Variants in RARB observed in about 807,000 individuals in gnomAD.
RARB encodes the protein retinoic acid receptor beta.
Under a neutral mutation model 51.9 loss-of-function variants are expected in RARB, and 17 were observed. The ratio of observed to expected loss-of-function variants is 0.33; its 90% CI spans 0.22 to 0.49. The LOEUF (loss-of-function observed/expected upper bound fraction) is 0.49. Among genes scored for constraint, RARB ranks in the 20% least tolerant of loss-of-function variants. The probability of loss-of-function intolerance (pLI) is 0.99; values close to 1 mark genes in which losing one functional copy is unlikely to be tolerated. For synonymous variants in RARB, 215 were observed against 195.4 expected (o/e 1.10, Z -0.84); for missense variants, 369 against 550.8 (o/e 0.67, Z 3.30).
intron 2 of RARB, among the ~76,000 whole-genome samples, chr3:25,465,122 C>T (rs1021751282): frequency 5.3e-5 from 8 of 152,130 alleles, no homozygotes; most frequent in South Asian, 2.1e-4. Flanking sequence ...TTAAGGCTTT[C>T]GAATCAGATT....
At chr3:25,221,125 G>C (rs73149222) in intron 5 of RARB, among the ~76,000 whole-genome samples, 1,702 of 149,456 alleles carry the variant, frequency 0.011, 28 homozygotes, top group African/African-American at 0.042. Context: ...ACAAGATACA[G>C]ATATAATGGA....
At chr3:25,153,568 C>T (rs1450330036) in intron 4 of RARB, among the ~76,000 whole-genome samples, 2 of 152,182 alleles carry the variant, frequency 1.3e-5, no homozygotes, top group Non-Finnish European at 2.9e-5. Context: ...CAATATAAAA[C>T]AGTAATAAGA....
rs763622721 is a variant in RARB, at chr3:25,594,568, C to A, written c.1040C>A (p.Pro347Gln). ...EPTKVDKLQE[P>Q]LLEALKIYIR... ...ACAAAAGTAGATAAGCTACAAGAAC[C>A]ATTGCTGGAAGCACTAAAAATTTAT... The change falls in exon 7 of 8, where the codon CCA (proline) becomes CAA (glutamine). Residue 347 changes from proline (P) to glutamine (Q), a missense_variant. Physicochemically the swap from Pro to Gln is moderately conservative, Grantham distance 76 (BLOSUM62 -1). Coordinates refer to ENST00000330688, the MANE Select transcript of RARB (RefSeq NM_000965.5). The A allele has an allele frequency of 6.2e-7, 1 of 1,613,498 alleles. No individual in the cohort carries two copies. Among genetic ancestry groups the A allele is most frequent in the South Asian group, 1.1e-5 (1 of 91,020 alleles).
At chr3:25,076,180 C>T (rs1443953837) in intron 3 of RARB, among the ~76,000 whole-genome samples, 2 of 151,112 alleles carry the variant, frequency 1.3e-5, no homozygotes, top group South Asian at 2.1e-4. Flanking sequence ...CTCTCTCTGT[C>T]GCCCAGGCTG....
chr3:24,940,672 C>G (rs1695645248), intron 2 of RARB, among the ~76,000 whole-genome samples: 1 of 152,076 alleles, frequency 6.6e-6, no homozygotes, highest in South Asian at 2.1e-4. Flanking sequence ...ACCAGCCAAT[C>G]TAACTTAGCA....
intron 5 of RARB, chr3:25,352,221 C>G (rs1241117795): frequency 6.6e-6 from 1 of 152,272 alleles, no homozygotes; most frequent in African/African-American, 2.4e-5. Context: ...TTCTCTCTCT[C>G]TTCACCTGAA....
chr3:25,194,471 A>G (rs1272782174), intron 5 of RARB, among the ~76,000 whole-genome samples: 1 of 150,690 alleles, frequency 6.6e-6, no homozygotes, highest in Admixed American at 6.7e-5. Flanking sequence ...ATATATATAC[A>G]GTAGTGTGTA....
At chr3:24,965,006 T>C (rs1297228350) in intron 2 of RARB, among the ~76,000 whole-genome samples, 1 of 152,146 alleles carries the variant, frequency 6.6e-6, no homozygotes, top group African/African-American at 2.4e-5. Context: ...TGAAGATGAA[T>C]TGCTTTGGTT....
intron 1 of RARB, among the ~76,000 whole-genome samples, chr3:25,455,763 C>T (rs1052334456): frequency 2.0e-5 from 3 of 152,156 alleles, no homozygotes; most frequent in African/African-American, 4.8e-5. Context: ...CATTCCCTGA[C>T]GAAGCAGGGA....
chr3:25,241,316 T>C (rs927958934), intron 5 of RARB, among the ~76,000 whole-genome samples: 2 of 152,202 alleles, frequency 1.3e-5, no homozygotes, highest in Non-Finnish European at 2.9e-5. Context: ...TTGTTTTATG[T>C]CTTTTTTTAA....
intron 5 of RARB, among the ~76,000 whole-genome samples, chr3:25,204,195 T>C (rs1314352939): frequency 6.6e-6 from 1 of 152,224 alleles, no homozygotes; most frequent in Non-Finnish European, 1.5e-5. Flanking sequence ...CAATCATTGA[T>C]ACCCTTTCTT....
At chr3:24,902,590 C>A (rs981991859) in intron 2 of RARB, among the ~76,000 whole-genome samples, 5 of 152,144 alleles carry the variant, frequency 3.3e-5, no homozygotes, top group Middle Eastern at 6.8e-3. Flanking sequence ...TACAGTGAAC[C>A]GAGGATGATG....
intron 3 of RARB, among the ~76,000 whole-genome samples, chr3:25,122,732 C>G (rs17576064): frequency 0.12 from 18,798 of 152,146 alleles, 1,553 homozygotes; most frequent in South Asian, 0.28. Context: ...AACCAGGGAC[C>G]AGGCATGTAC....
intron 5 of RARB, among the ~76,000 whole-genome samples, chr3:25,312,103 T>C (rs574786276): frequency 3.9e-5 from 6 of 152,344 alleles, no homozygotes; most frequent in South Asian, 2.1e-4. Flanking sequence ...AATGAACTTA[T>C]TGACTACAAG....
At chr3:25,032,314 T>C (rs1697892958) in intron 2 of RARB, among the ~76,000 whole-genome samples, 1 of 152,182 alleles carries the variant, frequency 6.6e-6, no homozygotes. Flanking sequence ...AAGACAAGAA[T>C]GGTAAAACAA....
intron 5 of RARB, among the ~76,000 whole-genome samples, chr3:25,186,688 G>A (rs1275610710): frequency 6.6e-6 from 1 of 152,044 alleles, no homozygotes; most frequent in East Asian, 1.9e-4. Context: ...AACTCTTTAA[G>A]TGCACATATA....
At chr3:25,223,465 A>G (rs190575455) in intron 5 of RARB, among the ~76,000 whole-genome samples, 2 of 152,204 alleles carry the variant, frequency 1.3e-5, no homozygotes, top group East Asian at 3.9e-4. Context: ...TGAATAGAGA[A>G]CAAATGCCTT....
At chr3:24,985,474 G>T (rs973245844) in intron 2 of RARB, among the ~76,000 whole-genome samples, 7 of 151,766 alleles carry the variant, frequency 4.6e-5, no homozygotes, top group South Asian at 2.1e-4. Flanking sequence ...CTTTGCTACA[G>T]TATTTAGTTA....
intron 2 of RARB, among the ~76,000 whole-genome samples, chr3:25,470,232 A>T (rs369301367): frequency 1.3e-5 from 2 of 152,320 alleles, no homozygotes; most frequent in African/African-American, 4.8e-5. Flanking sequence ...AGGGAGGAAA[A>T]CAAAAAGTTT....
Sources: allele counts gnomAD v4.1 joint callset (sites outside exome capture counted in the v4.1 genomes callset), GRCh38; gene constraint gnomAD v4.1.1; transcripts MANE v1.5; gene names NCBI Gene and HGNC (gene_info 2026-07-23, HGNC 2026-07-21).